The following KLF7 variants were observed in gnomAD, a reference collection of about 807,000 sequenced individuals.
KLF7 encodes KLF transcription factor 7.
A neutral mutation model predicts 27.3 loss-of-function variants in KLF7; 2 were observed. The ratio of observed to expected loss-of-function variants is 0.07; its 90% CI spans 0.03 to 0.23. The LOEUF is 0.23. KLF7 is among the 10% of genes least tolerant of loss of function. KLF7 has a pLI of 1.00. For missense variants in KLF7, 221 were observed against 394.1 expected (o/e 0.56, Z 3.72); for synonymous variants, 165 against 162.4 (o/e 1.02, Z -0.12).
intron 1 of KLF7, among the ~76,000 whole-genome samples, chr2:207,157,566 C>G (rs555132190): frequency 2.6e-5 from 4 of 152,200 alleles, no homozygotes; most frequent in Admixed American, 2.6e-4. Context: ...AACACCCTGA[C>G]TCTTGGAAGT....
chr2:207,116,676 C>T (rs2077196936), intron 2 of KLF7, among the ~76,000 whole-genome samples: 1 of 152,100 alleles, frequency 6.6e-6, no homozygotes, highest in Admixed American at 6.6e-5. Context: ...TTAAAAGGAA[C>T]AGTTTTTCTA....
At chr2:207,139,983 G>C (rs962212769) in intron 1 of KLF7, among the ~76,000 whole-genome samples, 2 of 152,160 alleles carry the variant, frequency 1.3e-5, no homozygotes, top group Admixed American at 1.3e-4. Context: ...CTGCCTCCCA[G>C]GTTCAAGCGA....
rs1158100941 is a variant in KLF7, at chr2:207,165,774, G to C, written c.-206C>G. On this transcript the variant is annotated 5_prime_UTR_variant, in exon 1 of 4. Coordinates refer to ENST00000309446, the MANE Select transcript of KLF7 (RefSeq NM_003709.4). Reference sequence around the variant, plus strand: ...GAGGTGAGAGAGGAGCGAGTGAGTGGGGTGGATGGAGAGAGGCATCCAGCG... The same window carrying C: ...GAGGTGAGAGAGGAGCGAGTGAGTGCGGTGGATGGAGAGAGGCATCCAGCG... The C allele has an allele frequency of 1.4e-6, 2 of 1,432,422 alleles. No individual in the cohort carries two copies. The highest frequency in any genetic ancestry group is 1.8e-6 in the Non-Finnish European group (2 of 1,099,222). The allele number at this position is 1,432,422 out of a possible 1,614,324, so 88.7% of individuals were successfully genotyped here.
At chr2:207,109,518 T>C (rs1041647779) in intron 2 of KLF7, among the ~76,000 whole-genome samples, 2 of 152,166 alleles carry the variant, frequency 1.3e-5, no homozygotes, top group South Asian at 2.1e-4. Flanking sequence ...ATGGGTATAA[T>C]GAGAAGACTT....
chr2:207,104,675 A>G (rs77712319), intron 2 of KLF7, among the ~76,000 whole-genome samples: 5,898 of 152,284 alleles, frequency 0.039, 196 homozygotes, highest in Non-Finnish European at 0.053. Context: ...AAGTTCACCC[A>G]ACTTATATGT....
At chr2:207,164,576 C>T (rs2078644294) in intron 1 of KLF7, among the ~76,000 whole-genome samples, 2 of 151,990 alleles carry the variant, frequency 1.3e-5, no homozygotes, top group African/African-American at 4.8e-5. Context: ...CTTTATTCCA[C>T]TTCACAAAGC....
chr2:207,092,282 C>T (rs748249115), intron 2 of KLF7, among the ~76,000 whole-genome samples: 1 of 152,218 alleles, frequency 6.6e-6, no homozygotes, highest in Non-Finnish European at 1.5e-5. Flanking sequence ...CCCAGGACTC[C>T]AGTCCAGGAA....
At chr2:207,101,746 G>T (rs753348420) in intron 2 of KLF7, among the ~76,000 whole-genome samples, 12 of 152,156 alleles carry the variant, frequency 7.9e-5, no homozygotes, top group South Asian at 2.1e-4. Context: ...ATGTCCTGTG[G>T]GAAGTGGCTC....
chr2:207,118,421 C>T (rs72958352), intron 2 of KLF7, among the ~76,000 whole-genome samples: 1,965 of 152,352 alleles, frequency 0.013, 22 homozygotes, highest in Non-Finnish European at 0.02. Flanking sequence ...TCCTAATTCT[C>T]ACCTATTTAG....
intron 1 of KLF7, among the ~76,000 whole-genome samples, chr2:207,162,191 C>T (rs1018584362): frequency 6.6e-6 from 1 of 152,054 alleles, no homozygotes; most frequent in Non-Finnish European, 1.5e-5. Context: ...ATTATGATTT[C>T]TATTGGCAAA....
chr2:207,166,850 A>G (rs2106164557), upstream of KLF7: 4 of 1,049,990 alleles, frequency 3.8e-6, no homozygotes, highest in Non-Finnish European at 4.6e-6. Flanking sequence ...AGGAAGTGCC[A>G]CACAATGGGA....
upstream of KLF7, among the ~76,000 whole-genome samples, chr2:207,171,486 C>T (rs1451364740): frequency 6.6e-6 from 1 of 152,156 alleles, no homozygotes; most frequent in East Asian, 1.9e-4. Flanking sequence ...TATCAAACAG[C>T]ATTGCATGCT....
chr2:207,124,536 G>T, intron 1 of KLF7, 132 bp from the exon 2 acceptor site: 2 of 849,224 alleles, frequency 2.4e-6, no homozygotes, highest in Non-Finnish European at 1.8e-6. Context: ...TGCCTTAGTA[G>T]AAGGTCTGAC....
intron 2 of KLF7, among the ~76,000 whole-genome samples, chr2:207,107,468 T>C (rs2076909561): frequency 6.6e-6 from 1 of 152,140 alleles, no homozygotes; most frequent in South Asian, 2.1e-4. Context: ...TTAGCAAGCT[T>C]CTCCTCCATA....
intron 3 of KLF7, among the ~76,000 whole-genome samples, chr2:207,087,200 G>T (rs1477806784): frequency 2.0e-5 from 3 of 152,164 alleles, no homozygotes; most frequent in Non-Finnish European, 2.9e-5. Flanking sequence ...ACTGCATAAA[G>T]TACACTTCCT....
chr2:207,089,778 C>G (rs571353734), intron 2 of KLF7, among the ~76,000 whole-genome samples: 1 of 152,204 alleles, frequency 6.6e-6, no homozygotes, highest in South Asian at 2.1e-4. Context: ...AATACACATG[C>G]ATATTATATA....
intron 2 of KLF7, among the ~76,000 whole-genome samples, chr2:207,108,256 C>G (rs551939707): frequency 1.4e-4 from 22 of 152,312 alleles, no homozygotes; most frequent in Admixed American, 2.6e-4. Context: ...GAAAGATACA[C>G]AGGTGGATTT....
At chr2:207,083,252 A>C (rs2105852163) in intron 3 of KLF7, among the ~76,000 whole-genome samples, 1 of 152,264 alleles carries the variant, frequency 6.6e-6, no homozygotes, top group East Asian at 1.9e-4. Flanking sequence ...TCATGTCCTG[A>C]GGGTACAACT....
chr2:207,132,629 C>G (rs2077667604), intron 1 of KLF7, among the ~76,000 whole-genome samples: 1 of 152,160 alleles, frequency 6.6e-6, no homozygotes, highest in Admixed American at 6.5e-5. Context: ...GCAAAGCAGC[C>G]TCAAATACCC....
Sources: allele counts gnomAD v4.1 joint callset (sites outside exome capture counted in the v4.1 genomes callset), GRCh38; gene constraint gnomAD v4.1.1; transcripts MANE v1.5; gene names NCBI Gene and HGNC (gene_info 2026-07-23, HGNC 2026-07-21).